The following RTN4 variants were observed in gnomAD, a reference collection of about 807,000 sequenced individuals.
RTN4 encodes reticulon 4.
RTN4 carries 32 observed loss-of-function variants against 90.4 expected under a neutral mutation model. That is an observed-to-expected ratio of 0.35 (90% CI 0.27 to 0.48). RTN4 has a LOEUF of 0.48. Ranked by LOEUF, RTN4 falls within the 20% of genes least tolerant of loss-of-function variation. The pLI is 0.99. For missense variants in RTN4, 1,706 were observed against 1,430.2 expected (o/e 1.19, Z -3.11); for synonymous variants, 629 against 552.5 (o/e 1.14, Z -1.94).
At chr2:55,097,853 G>A (rs781408697) in intron 1 of RTN4, among the ~76,000 whole-genome samples, 1 of 152,064 alleles carries the variant, frequency 6.6e-6, no homozygotes, top group Non-Finnish European at 1.5e-5. Flanking sequence ...AATCACCAGT[G>A]TATAGGCAAG....
intron 2 of RTN4, among the ~76,000 whole-genome samples, chr2:55,072,260 C>T (rs953504741): frequency 1.3e-5 from 2 of 150,494 alleles, no homozygotes; most frequent in East Asian, 2.0e-4. Flanking sequence ...GGCAGAGCCT[C>T]GTTCTGTCTC....
intron 4 of RTN4, among the ~76,000 whole-genome samples, chr2:54,983,204 A>T (rs1678283645): frequency 6.6e-6 from 1 of 152,068 alleles, no homozygotes; most frequent in Non-Finnish European, 1.5e-5. Context: ...ACCAGATTGT[A>T]AAGTGGCTGC....
the RTN4 span, among the ~76,000 whole-genome samples, chr2:55,134,525 C>T: frequency 6.6e-6 from 1 of 152,218 alleles, no homozygotes; most frequent in Admixed American, 6.5e-5. Flanking sequence ...TAGCTCAGAG[C>T]AGCACCAATT....
chr2:55,050,711 T>G (rs1198595486), upstream of RTN4: 1 of 156,822 alleles, frequency 6.4e-6, no homozygotes, highest in Non-Finnish European at 1.4e-5. The surrounding 1 kb of genome is among the most constrained non-coding windows in gnomAD (Gnocchi z 4.6). Flanking sequence ...ACTTCCTCTC[T>G]CTTACCGGCT....
At chr2:55,120,249 G>T in the RTN4 span, among the ~76,000 whole-genome samples, 2 of 152,186 alleles carry the variant, frequency 1.3e-5, no homozygotes, top group Non-Finnish European at 2.9e-5. Context: ...TAGAAGGAAA[G>T]CAATGCTTCC....
At chr2:55,049,002 CT>C in intron 1 of RTN4, 1 of 652,618 alleles carries the variant, frequency 1.5e-6, no homozygotes. Flanking sequence ...CCTAGATCCC[CT>C]TTCCCTGGCT....
intron 1 of RTN4, chr2:55,046,815 C>A (rs775629157): frequency 6.6e-6 from 1 of 152,134 alleles, no homozygotes; most frequent in Non-Finnish European, 1.5e-5. Flanking sequence ...CTTACACTTA[C>A]TAAAAAAACT....
At chr2:54,989,972 T>C (rs890572006) in intron 3 of RTN4, among the ~76,000 whole-genome samples, 1 of 152,154 alleles carries the variant, frequency 6.6e-6, no homozygotes, top group Non-Finnish European at 1.5e-5. Flanking sequence ...CACTCTTTCC[T>C]GTGAGGCTGC....
At chr2:54,989,706 T>C (rs1349487092) in intron 3 of RTN4, among the ~76,000 whole-genome samples, 2 of 152,092 alleles carry the variant, frequency 1.3e-5, no homozygotes, top group African/African-American at 4.8e-5. Flanking sequence ...AATGAAGGTA[T>C]AAAATAAACA....
upstream of RTN4, among the ~76,000 whole-genome samples, chr2:55,113,322 T>C (rs980510145): frequency 3.3e-5 from 5 of 152,132 alleles, no homozygotes; most frequent in Non-Finnish European, 7.4e-5. Flanking sequence ...TTCAGAACTG[T>C]GGTTTCTACA....
At chr2:55,093,353 ATGTG>A (rs1176927734) in intron 1 of RTN4, among the ~76,000 whole-genome samples, 5 of 150,602 alleles carry the variant, frequency 3.3e-5, no homozygotes, top group Admixed American at 2.7e-4. Context: ...ACATAAACAT[ATGTG>A]TGTATTTTAT....
intron 1 of RTN4, among the ~76,000 whole-genome samples, chr2:55,048,926 C>A (rs569449383): frequency 1.3e-5 from 2 of 152,148 alleles, no homozygotes; most frequent in Non-Finnish European, 2.9e-5. Flanking sequence ...CAAGTCCACA[C>A]TAACAGCAAT....
chr2:55,113,695 C>T (rs534994518), upstream of RTN4, among the ~76,000 whole-genome samples: 10 of 152,316 alleles, frequency 6.6e-5, no homozygotes, highest in African/African-American at 2.2e-4. Context: ...CCCAACTCTA[C>T]CCTACCCAAG....
chr2:55,019,212 TCTG>T (rs1167972684), intron 3 of RTN4, among the ~76,000 whole-genome samples: 1 of 152,080 alleles, frequency 6.6e-6, no homozygotes, highest in Non-Finnish European at 1.5e-5. Flanking sequence ...GAAATGGAGG[TCTG>T]CTGCTTAAAC....
chr2:55,096,783 G>A (rs1219570229), intron 1 of RTN4, among the ~76,000 whole-genome samples: 1 of 151,174 alleles, frequency 6.6e-6, no homozygotes, highest in Non-Finnish European at 1.5e-5. Flanking sequence ...ATTCTGTCAT[G>A]CTGCAGCAGT....
intron 3 of RTN4, among the ~76,000 whole-genome samples, chr2:55,015,018 T>C (rs1487797901): frequency 6.6e-6 from 1 of 152,220 alleles, no homozygotes; most frequent in Non-Finnish European, 1.5e-5. Flanking sequence ...TTTATAAAAA[T>C]TTTAAACTCA....
intron 1 of RTN4, among the ~76,000 whole-genome samples, chr2:55,033,436 A>C (rs1682467483): frequency 6.6e-6 from 1 of 152,212 alleles, no homozygotes; most frequent in Non-Finnish European, 1.5e-5. Context: ...CAGCACTTTC[A>C]GGACATGCAA....
intron 2 of RTN4, among the ~76,000 whole-genome samples, chr2:55,063,983 G>A (rs1186489991): frequency 1.3e-5 from 2 of 152,048 alleles, no homozygotes; most frequent in African/African-American, 2.4e-5. Flanking sequence ...CACTTTGGGC[G>A]ACCAAGGTGG....
At chr2:55,107,640 C>T (rs1314197933) in intron 1 of RTN4, among the ~76,000 whole-genome samples, 1 of 152,016 alleles carries the variant, frequency 6.6e-6, no homozygotes, top group Non-Finnish European at 1.5e-5. Flanking sequence ...TCAGGCTAAG[C>T]AGACACAAAA....
Sources: gnomAD v4.1 joint callset for allele counts (sites outside exome capture counted in the v4.1 genomes callset) on GRCh38, gnomAD v4.1.1 for gene constraint, Gnocchi (gnomAD v3.1) non-coding constraint, MANE v1.5 for transcripts, NCBI Gene and HGNC (gene_info 2026-07-23, HGNC 2026-07-21) for gene names.